Variants in MYPN observed in about 807,000 individuals in gnomAD.
MYPN encodes the protein myopalladin, also known as sarcomeric protein myopalladin, 145 kDa (MYOP).
Under a neutral mutation model 129.4 loss-of-function variants are expected in MYPN, and 63 were observed. The ratio of observed to expected loss-of-function variants is 0.49; its 90% CI spans 0.40 to 0.60. MYPN has a LOEUF of 0.60. Ranked by LOEUF, MYPN falls within the 20% of genes least tolerant of loss-of-function variation. The pLI is 0.00. For missense variants in MYPN, 1,596 were observed against 1,635.4 expected (o/e 0.98, Z 0.42); for synonymous variants, 629 against 600.9 (o/e 1.05, Z -0.68).
chr10:68,165,438 C>T lies in MYPN; in HGVS notation c.1484-264C>T, dbSNP rs772154793. The T allele has an allele frequency of 2.9e-5, 15 of 511,292 alleles. 1 individual carries two copies. The highest frequency in any genetic ancestry group is 9.1e-5 in the Admixed American group (4 of 43,996). 31.7% of individuals were successfully genotyped at this position (511,292 alleles called of 1,614,324 possible). ...CTGCGCTCCAGCCTGGGCAACAGAG[C>T]GAGACTCCACCTAAAAAAACAAAAA... On this transcript the variant is annotated intron_variant, in intron 8 of 19. Transcript: ENST00000358913.
At chr10:68,155,748 T>C (rs1180170351) in intron 6 of MYPN, among the ~76,000 whole-genome samples, 2 of 152,148 alleles carry the variant, frequency 1.3e-5, no homozygotes, top group Non-Finnish European at 2.9e-5. Context: ...CTTTCAGCAA[T>C]AACAACCATC....
intron 3 of MYPN, among the ~76,000 whole-genome samples, chr10:68,143,952 A>T (rs1317557155): frequency 1.3e-5 from 2 of 152,016 alleles, no homozygotes; most frequent in Admixed American, 6.6e-5. Context: ...ATGGGGTTTC[A>T]CCATGTTGGC....
intron 1 of MYPN, among the ~76,000 whole-genome samples, chr10:68,118,823 G>A (rs2042195490): frequency 6.6e-6 from 1 of 151,082 alleles, no homozygotes; most frequent in African/African-American, 2.4e-5. Flanking sequence ...GAGGGAGTGA[G>A]ACCCTGTCAA....
chr10:68,176,164 C>G (rs888505703), intron 12 of MYPN, among the ~76,000 whole-genome samples: 1 of 152,158 alleles, frequency 6.6e-6, no homozygotes, highest in Non-Finnish European at 1.5e-5. Flanking sequence ...TGTGAAATAG[C>G]CATTAGGCAA....
chr10:68,114,711 T>C (rs1335667319), intron 1 of MYPN, among the ~76,000 whole-genome samples: 3 of 152,058 alleles, frequency 2.0e-5, no homozygotes, highest in African/African-American at 7.2e-5. Context: ...GGAAAAGTCC[T>C]AGGGAAAAAA....
intron 2 of MYPN, among the ~76,000 whole-genome samples, chr10:68,141,940 A>T (rs981675013): frequency 6.6e-6 from 1 of 152,168 alleles, no homozygotes; most frequent in Non-Finnish European, 1.5e-5. Context: ...AGAGCAGCAT[A>T]GTGTTCTGTT....
chr10:68,180,650 CCTGTTTGATT>C (rs1258153522), intron 12 of MYPN, among the ~76,000 whole-genome samples: 1 of 152,204 alleles, frequency 6.6e-6, no homozygotes, highest in African/African-American at 2.4e-5. Flanking sequence ...CTGGCTTGAT[CCTGTTTGATT>C]ATTTGCCCCT....
At chr10:68,092,998 A>G (rs1465831785) in intron 1 of MYPN, among the ~76,000 whole-genome samples, 1 of 152,176 alleles carries the variant, frequency 6.6e-6, no homozygotes, top group Non-Finnish European at 1.5e-5. Flanking sequence ...TAATGGGCCC[A>G]CAAATCCATG....
At chr10:68,197,164 G>C (rs1206633179) in intron 15 of MYPN, among the ~76,000 whole-genome samples, 188 bp from the exon 16 acceptor site, 2 of 151,686 alleles carry the variant, frequency 1.3e-5, no homozygotes, top group Non-Finnish European at 2.9e-5. Flanking sequence ...CAGTATATGA[G>C]ATACTTACCA....
chr10:68,150,428 T>C (rs1212761103), intron 6 of MYPN, among the ~76,000 whole-genome samples: 1 of 152,232 alleles, frequency 6.6e-6, no homozygotes, highest in Non-Finnish European at 1.5e-5. Context: ...AAGGTTTCTC[T>C]GAATTTTTAG....
Position 68,122,173 on chromosome 10 carries a change from G to A in MYPN, c.735G>A (p.Ala245=). ...RREAEQAASE[A]AGGDTTPGSS... is the part of the protein sequence containing the mutation. ...AAGCGGAGCAGGCTGCCAGTGAGGC[G>A]GCTGGTGGAGACACTACACCAGGGT... Residue 245 remains alanine, a synonymous_variant, in exon 2 of 20, where the codon GCG becomes GCA. Transcript: ENST00000358913. The A allele has an allele frequency of 6.2e-7, 1 of 1,610,838 alleles. No homozygotes were observed. Among genetic ancestry groups the A allele is most frequent in the Non-Finnish European group, 8.5e-7 (1 of 1,178,112 alleles).
intron 5 of MYPN, 44 bp downstream of exon 5, chr10:68,148,511 G>A: frequency 6.8e-7 from 1 of 1,479,858 alleles, no homozygotes; most frequent in African/African-American, 1.4e-5. Flanking sequence ...CACTGTGACA[G>A]ACAGTCATGG....
intron 2 of MYPN, among the ~76,000 whole-genome samples, chr10:68,123,716 AATAAATAAGT>A (rs2042285495): frequency 6.6e-6 from 1 of 150,996 alleles, no homozygotes; most frequent in Non-Finnish European, 1.5e-5. Flanking sequence ...TAAATAAATA[AATAAATAAGT>A]ATAATTAAAA....
At chr10:68,178,712 C>CAAAA (rs5785847) in intron 12 of MYPN, among the ~76,000 whole-genome samples, 8,457 of 124,928 alleles carry the variant, frequency 0.068, 372 homozygotes, top group African/African-American at 0.075. Context: ...GACTCTGCCT[C>CAAAA]AAAAAAAAAA....
intron 6 of MYPN, among the ~76,000 whole-genome samples, chr10:68,154,977 C>T (rs994534548): frequency 1.3e-4 from 19 of 151,862 alleles, no homozygotes; most frequent in African/African-American, 4.6e-4. Context: ...GCCAAGAGTT[C>T]GAGACCAGCC....
rs566794613 is a variant in MYPN, at chr10:68,185,156, GGGAGGGAA to G, written c.2704-3713_2704-3706del. Among the ~76,000 whole-genome samples, 782 of 147,450 alleles carry G rather than the reference GGGAGGGAA, an allele frequency of 5.3e-3. 12 individuals carry two copies. The highest frequency in any genetic ancestry group is 0.017 in the African/African-American group (643 of 38,774). ...CCCGTCAGAAAGAAGGAGGGAGGGA[GGGAGGGAA>G]GGAGGGAAGGAGGGAAGGAGGGAAG... On this transcript the variant is annotated intron_variant, in intron 12 of 19. Coordinates refer to ENST00000358913, the MANE Select transcript of MYPN (RefSeq NM_032578.4).
chr10:68,190,568 A>T (rs2043494915), intron 13 of MYPN, among the ~76,000 whole-genome samples: 1 of 152,134 alleles, frequency 6.6e-6, no homozygotes, highest in African/African-American at 2.4e-5. Flanking sequence ...TGGGTTCCTT[A>T]TATATTCTGG....
chr10:68,149,233 C>A (rs1187157814), intron 5 of MYPN, among the ~76,000 whole-genome samples: 1 of 152,068 alleles, frequency 6.6e-6, no homozygotes, highest in Non-Finnish European at 1.5e-5. Flanking sequence ...CCACTCCCCC[C>A]CGAAAAATGT....
intron 1 of MYPN, among the ~76,000 whole-genome samples, chr10:68,100,485 A>G (rs1356413090): frequency 1.3e-5 from 2 of 152,204 alleles, no homozygotes; most frequent in Non-Finnish European, 2.9e-5. Flanking sequence ...AGAACTGCCC[A>G]TCGGCGATGA....
Sources: gnomAD v4.1 joint callset for allele counts (sites outside exome capture counted in the v4.1 genomes callset) on GRCh38, gnomAD v4.1.1 for gene constraint, MANE v1.5 for transcripts, NCBI Gene and HGNC (gene_info 2026-07-23, HGNC 2026-07-21) for gene names.